The following ASPDH variants were observed in gnomAD, a reference collection of about 807,000 sequenced individuals.
ASPDH encodes the protein aspartate dehydrogenase domain-containing protein.
In ASPDH, 25 loss-of-function variants were observed where a neutral mutation model predicts 30.5. That is an observed-to-expected ratio of 0.82 (90% CI 0.60 to 1.14). ASPDH has a LOEUF of 1.14. Among genes scored for constraint, ASPDH ranks in the 50% most tolerant of loss-of-function variants. ASPDH has a pLI of 0.00. For missense variants in ASPDH, 401 were observed against 381.5 expected (o/e 1.05, Z -0.43); for synonymous variants, 168 against 156.3 (o/e 1.07, Z -0.56).
chr19:50,512,234 C>T lies in ASPDH; in HGVS notation c.710G>A (p.Gly237Asp), dbSNP rs61745649. Residue 237 changes from glycine (G) to aspartate (D), a missense_variant, in exon 6 of 7, where the codon GGC becomes GAC. Physicochemically the swap from Gly to Asp is moderately conservative, Grantham distance 94 (BLOSUM62 -1). Transcript: ENST00000389208. ...GCGGGTGTGCACAGCAAAGCTTCGG[C>T]CCGTGGGGCCCCGGGGTCCGCTCAG... is the stretch of plus-strand genomic sequence containing the variant. Reference protein sequence around the residue: ...VELSGPRGPTGRSFAVHTRRE... With the variant: ...VELSGPRGPTDRSFAVHTRRE... 6.2e-6 allele frequency: 10 copies of T among 1,612,234 alleles called. No homozygotes were observed. The African/African-American group carries it at 1.1e-4, about 17-fold the overall frequency.
chr19:50,511,616 G>A lies in ASPDH; in HGVS notation c.*114C>T, dbSNP rs1465663745. On this transcript the variant is annotated 3_prime_UTR_variant, in exon 7 of 7. Transcript: ENST00000389208. ...GCCAGGCGGTGCGGGGGGAGGCAGC[G>A]GTGATCTTTACTGAGTCAGAAGGGA... The A allele has an allele frequency of 3.6e-6, 2 of 561,912 alleles. No homozygotes were observed. Among genetic ancestry groups the A allele is most frequent in the East Asian group, 3.5e-5 (1 of 28,594 alleles). 34.8% of individuals were successfully genotyped at this position (561,912 alleles called of 1,614,324 possible). A position where few individuals can be genotyped will look rare whatever the true frequency, so the allele number is the denominator to read the frequency against.
intron 4 of ASPDH, 35 bp downstream of exon 4, chr19:50,512,626 C>T (rs1980011284): frequency 6.6e-7 from 1 of 1,510,094 alleles, no homozygotes. Flanking sequence ...CTTTGCAGGC[C>T]TCCCCTGGTT....
Position 50,512,943 on chromosome 19 carries a change from C to G in ASPDH, c.266G>C (p.Arg89Pro). Residue 89 changes from arginine (R) to proline (P), a missense_variant, in exon 3 of 7, where the codon CGC becomes CCC. By Grantham distance (103) the Arg-to-Pro change is moderately radical. Coordinates refer to ENST00000389208, the MANE Select transcript of ASPDH (RefSeq NM_001114598.2). The stretch of plus-strand genomic sequence containing the variant: ...GGGGCTTACCAGGAGATTGGCATGG[C>G]GCAGGATTTGTGCCCCAGATTCATG... ...IIHESGAQIL[R>P]HANLLVGSPS... 2 of 1,613,234 alleles carry G rather than the reference C, an allele frequency of 1.2e-6. No homozygotes were observed. Among genetic ancestry groups the G allele is most frequent in the Non-Finnish European group, 1.7e-6 (2 of 1,179,624 alleles).
At chr19:50,514,811 G>C, upstream of ASPDH, 3 of 1,250,714 alleles carry the variant, frequency 2.4e-6, no homozygotes, top group Non-Finnish European at 3.1e-6. Flanking sequence ...GGGGTGGGGG[G>C]GGCGGGCACT....
rs1341271311 is a variant in ASPDH, at chr19:50,513,606, A to G, written c.52+166T>C. Among the ~76,000 whole-genome samples the G allele has an allele frequency of 2.0e-5, 3 of 151,614 alleles. No individual in the cohort carries two copies. Among genetic ancestry groups the G allele is most frequent in the Non-Finnish European group, 2.9e-5 (2 of 67,870 alleles). On this transcript the variant is annotated intron_variant, in intron 1 of 6. Coordinates refer to ENST00000389208, the MANE Select transcript of ASPDH (RefSeq NM_001114598.2). This position sits in a 1 kb window ranked among gnomAD's most constrained non-coding sequence, Gnocchi z 4.9. ...GGACAGAGGCCCAGAGAGAAGGGAG[A>G]CAGAGACGGAGAGGACAGAGACCTG...
intron 3 of ASPDH, 32 bp downstream of exon 3, chr19:50,512,895 G>A: frequency 6.2e-7 from 1 of 1,606,822 alleles, no homozygotes; most frequent in Non-Finnish European, 8.5e-7. Flanking sequence ...GAAGGGGCAG[G>A]GCTCTGCGTA....
chr19:50,512,119 G>A lies in ASPDH; in HGVS notation c.808+17C>T. 1 of 1,525,488 alleles carries A rather than the reference G, an allele frequency of 6.6e-7. No individual in the cohort carries two copies. The highest frequency in any genetic ancestry group is 8.7e-7 in the Non-Finnish European group (1 of 1,143,308). 94.5% of individuals were successfully genotyped at this position (1,525,488 alleles called of 1,614,324 possible). A position where few individuals can be genotyped will look rare whatever the true frequency, so the allele number is the denominator to read the frequency against. ...AACACAGGAGCCCAGGGCCGGGGGA[G>A]AGGGGCCTGGCCGCACCCAGGAGGC... On this transcript the variant is annotated intron_variant, in intron 6 of 6. Transcript: ENST00000389208.
Position 50,512,027 on chromosome 19 carries a change from AAAG to A in ASPDH, c.808+106_808+108del. On this transcript the variant is annotated intron_variant, in intron 6 of 6. Transcript: ENST00000389208. Reference sequence around the variant, plus strand: ...AAGGAAATAAAGGTCAGAAAGAAAGAAAGGTCAACAAATACAGAACCAGAACTG... The same window carrying A: ...AAGGAAATAAAGGTCAGAAAGAAAGAGTCAACAAATACAGAACCAGAACTG... 3.3e-6 allele frequency: 3 copies of A among 902,052 alleles called. No individual in the cohort carries two copies. In the Admixed American group the frequency reaches 9.2e-5, roughly 28 times the overall value. The allele number at this position is 902,052 out of a possible 1,614,324, so 55.9% of individuals were successfully genotyped here.
At chr19:50,514,817 G>GGT, upstream of ASPDH, 1 of 466,790 alleles carries the variant, frequency 2.1e-6, no homozygotes, top group South Asian at 2.5e-5. Flanking sequence ...GGGGGGGCGG[G>GGT]CACTGGGTGG....
chr19:50,513,985 G>A (rs997812887), upstream of ASPDH: 35 of 819,536 alleles, frequency 4.3e-5, no homozygotes, highest in Non-Finnish European at 5.8e-5. The surrounding 1 kb of genome is among the most constrained non-coding windows in gnomAD (Gnocchi z 4.9). Flanking sequence ...GCCTGCGGGA[G>A]TGGAGGCGGG....
intron 4 of ASPDH, 39 bp downstream of exon 4, chr19:50,512,622 A>C (rs1480897913): frequency 5.3e-6 from 8 of 1,508,680 alleles, no homozygotes; most frequent in Non-Finnish European, 7.1e-6. Flanking sequence ...GGGTCTTTGC[A>C]GGCCTCCCCT....
rs370396027 is a variant in ASPDH at position 50,512,629 on chromosome 19, C to G, written c.432+32G>C. The G allele has an allele frequency of 6.6e-6, 10 of 1,513,054 alleles. No homozygotes were observed. The South Asian group carries it at 1.2e-4, about 18-fold the overall frequency. 93.7% of individuals were successfully genotyped at this position (1,513,054 alleles called of 1,614,324 possible). A position where few individuals can be genotyped will look rare whatever the true frequency, so the allele number is the denominator to read the frequency against. ...GGGGAGTGGGGTCTTTGCAGGCCTC[C>G]CCTGGTTCCTGGGGAGCCCAGCAGG... On this transcript the variant is annotated intron_variant, in intron 4 of 6. Transcript: ENST00000389208.
upstream of ASPDH, chr19:50,514,831 G>C (rs1980164740): frequency 7.7e-7 from 1 of 1,291,600 alleles, no homozygotes; most frequent in Non-Finnish European, 9.9e-7. Flanking sequence ...TGGGTGGCGA[G>C]AGCCCCAAGT....
rs1980087869 is a variant in ASPDH, at chr19:50,513,470, C to T, written c.53-54G>A. 1.4e-6 allele frequency: 2 copies of T among 1,437,664 alleles called. No individual in the cohort carries two copies. Among genetic ancestry groups the T allele is most frequent in the East Asian group, 2.6e-5 (1 of 38,896 alleles). 89.1% of individuals were successfully genotyped at this position (1,437,664 alleles called of 1,614,324 possible). A position where few individuals can be genotyped will look rare whatever the true frequency, so the allele number is the denominator to read the frequency against. On this transcript the variant is annotated intron_variant, in intron 1 of 6. Coordinates refer to ENST00000389208, the MANE Select transcript of ASPDH (RefSeq NM_001114598.2). This position sits in a 1 kb window ranked among gnomAD's most constrained non-coding sequence, Gnocchi z 4.9. ...GATCCAGAGAGAGGGGGACAGAGAC[C>T]CAGAGAGAGAGGAGGTGGGGACAGA... is the stretch of plus-strand genomic sequence containing the variant.
In ASPDH at chr19:50,513,865, T is replaced by TCGCTGCC; in HGVS notation, c.-49_-43dup. 1 of 1,542,004 alleles carries TCGCTGCC rather than the reference T, an allele frequency of 6.5e-7. No homozygotes were observed. Among genetic ancestry groups the TCGCTGCC allele is most frequent in the Non-Finnish European group, 8.7e-7 (1 of 1,143,098 alleles). ...TCTGGGGCCTGGCTCCCTGGGCTGCTCGCTGCCCGCTGCACAAGGCCTGGG... is the reference window on the plus strand; with the variant it reads ...TCTGGGGCCTGGCTCCCTGGGCTGCTCGCTGCCCGCTGCCCGCTGCACAAGGCCTGGG... On this transcript the variant is annotated 5_prime_UTR_variant, in exon 1 of 7. Coordinates refer to ENST00000389208, the MANE Select transcript of ASPDH (RefSeq NM_001114598.2). The surrounding 1 kb of genome is among the most constrained non-coding windows in gnomAD (Gnocchi z 4.9).
At position 50,512,382 on chromosome 19, in the gene ASPDH, C is replaced by G; in HGVS notation, c.631G>C (p.Gly211Arg). Residue 211 changes from glycine (G) to arginine (R), a missense_variant, in exon 5 of 7, where the codon GGG becomes CGG. Gly to Arg is a moderately radical substitution (Grantham distance 125, BLOSUM62 -2). Transcript: ENST00000389208. ...CACCTGGTATCAGCCACGAGCACCCCAATCACCCCATCGAAGCCCAGGCTG... is the reference window on the plus strand; with the variant it reads ...CACCTGGTATCAGCCACGAGCACCCGAATCACCCCATCGAAGCCCAGGCTG... ...APSLGFDGVI[G>R]VLVADTSLTD... 1 of 1,613,906 alleles carries G rather than the reference C, an allele frequency of 6.2e-7. No individual in the cohort carries two copies. Among genetic ancestry groups the G allele is most frequent in the Non-Finnish European group, 8.5e-7 (1 of 1,179,978 alleles).
At chr19:50,514,536 C>A (rs1034463497), upstream of ASPDH, 1 of 1,614,062 alleles carries the variant, frequency 6.2e-7, no homozygotes, top group Non-Finnish European at 8.5e-7. Flanking sequence ...TCCAGTGTGA[C>A]GTTCTCGCTC....
upstream of ASPDH, among the ~76,000 whole-genome samples, chr19:50,514,054 C>T (rs963856513): frequency 3.9e-5 from 6 of 152,180 alleles, no homozygotes; most frequent in African/African-American, 9.6e-5. Flanking sequence ...GCATGGTGAC[C>T]GGGGGTTCTG....
intron 4 of ASPDH, 24 bp from the exon 5 acceptor site, chr19:50,512,604 G>C (rs1205482163): frequency 6.6e-7 from 1 of 1,515,158 alleles, no homozygotes; most frequent in Admixed American, 2.4e-5. Flanking sequence ...CCCGGGTTAG[G>C]GGGAGTGGGG....
Sources: gnomAD v4.1 joint callset for allele counts (sites outside exome capture counted in the v4.1 genomes callset) on GRCh38, gnomAD v4.1.1 for gene constraint, Gnocchi (gnomAD v3.1) non-coding constraint, MANE v1.5 for transcripts, NCBI Gene and HGNC (gene_info 2026-07-23, HGNC 2026-07-21) for gene names.